FCRL4: variants seen among roughly 807,000 people sequenced by gnomAD.
FCRL4 encodes the protein Fc receptor like 4.
Under a neutral mutation model 64.1 loss-of-function variants are expected in FCRL4, and 43 were observed. The ratio of observed to expected loss-of-function variants is 0.67; its 90% confidence interval spans 0.53 to 0.87. FCRL4 has a LOEUF of 0.87. FCRL4 is among the 40% of genes least tolerant of loss of function. The pLI, the probability that FCRL4 is intolerant of heterozygous loss-of-function variation, is 0.00. For synonymous variants in FCRL4, 253 were observed against 239.8 expected, an observed-to-expected ratio of 1.05 and a Z score of -0.51; for missense variants, 656 against 613.5, an observed-to-expected ratio of 1.07 and a Z score of -0.73.
intron 7 of FCRL4, among the ~76,000 whole-genome samples, chr1:157,580,893 T>C (rs1310226785): frequency 1.3e-5 from 2 of 152,240 alleles, no homozygotes; most frequent in Non-Finnish European, 2.9e-5. Context: ...CTACACCAGG[T>C]TTCTTGGCAT....
rs1571131825 is a variant in FCRL4, at chr1:157,574,078, A to G, written c.*1446T>C. 2 of 214,874 alleles carry G rather than the reference A, an allele frequency of 9.3e-6. No homozygotes were observed. Among genetic ancestry groups the G allele is most frequent in the East Asian group, 1.4e-4 (2 of 14,432 alleles). 13.3% of individuals were successfully genotyped at this position (214,874 alleles called of 1,614,324 possible). A position where few individuals can be genotyped will look rare whatever the true frequency, so the allele number is the denominator to read the frequency against. On this transcript the variant is annotated 3_prime_UTR_variant, in exon 12 of 12. Transcript: ENST00000271532. The stretch of plus-strand genomic sequence containing the variant: ...ACACTCATATAATTTGTAAAGATCA[A>G]ATCAGCGTAGTTGGGATATCTGTCA...
intron 1 of FCRL4, 24 bp downstream of exon 1, chr1:157,597,890 A>C: frequency 6.2e-7 from 1 of 1,609,802 alleles, no homozygotes; most frequent in Non-Finnish European, 8.5e-7. Flanking sequence ...TGCAGCAAGC[A>C]AAGGTCTCCT....
chr1:157,587,261 C>T lies in FCRL4; in HGVS notation c.847+15G>A, dbSNP rs375531222. On this transcript the variant is annotated intron_variant, in intron 5 of 11. Coordinates refer to ENST00000271532, the MANE Select transcript of FCRL4 (RefSeq NM_031282.3). Reference sequence around the variant, plus strand: ...AGAGAGAGGCAGGGAAGATGCCTGGCTCTCCAACACTCACGCTGCACATGG... The same window carrying T: ...AGAGAGAGGCAGGGAAGATGCCTGGTTCTCCAACACTCACGCTGCACATGG... 27 of 1,608,626 alleles carry T rather than the reference C, an allele frequency of 1.7e-5. No individual in the cohort carries two copies. Among genetic ancestry groups the T allele is most frequent in the Non-Finnish European group, 1.8e-5 (21 of 1,176,096 alleles).
intron 8 of FCRL4, among the ~76,000 whole-genome samples, chr1:157,579,463 T>C (rs1652498662): frequency 6.6e-6 from 1 of 152,136 alleles, no homozygotes; most frequent in South Asian, 2.1e-4. Flanking sequence ...ACACCTGTAA[T>C]CCCAGCACTT....
rs1195796545 is a variant in FCRL4, at chr1:157,586,212, C to G, written c.1091G>C (p.Ser364Thr). ...CACCATGCTCTGGACAGGGCCGTAG[C>G]TGTTGTCTGCTGTACAGTAGTATCC... The part of the protein sequence containing the change: ...AGGYYCTADN[S>T]YGPVQSMVLN... Residue 364 changes from serine (S) to threonine (T), a missense_variant, in exon 6 of 12, where the codon AGC becomes ACC. Physicochemically the swap from Ser to Thr is moderately conservative, Grantham distance 58. Coordinates refer to ENST00000271532, the MANE Select transcript of FCRL4 (RefSeq NM_031282.3). 1 of 1,614,016 alleles carries G rather than the reference C, an allele frequency of 6.2e-7. No individual in the cohort carries two copies. The highest frequency in any genetic ancestry group is 1.7e-5 in the Admixed American group (1 of 60,016).
At position 157,586,445 on chromosome 1, in the gene FCRL4, C is replaced by T. The variant is rs1652697302; in HGVS notation, c.858G>A (p.Val286=). 1 of 1,606,954 alleles carries T rather than the reference C, an allele frequency of 6.2e-7. No homozygotes were observed. The highest frequency in any genetic ancestry group is 1.1e-5 in the South Asian group (1 of 90,840). The change falls in exon 6 of 12, where the codon GTG becomes GTA. Residue 286 remains valine (V), a synonymous_variant. Coordinates refer to ENST00000271532, the MANE Select transcript of FCRL4 (RefSeq NM_031282.3). ...SLQIHVQRIP[V]SGVLLETQPS... is the part of the protein sequence containing the mutation. ...GCTGGGTCTCCAGGAGCACCCCAGA[C>T]ACAGGGATCCCTATGTGAAAATGAG...
At chr1:157,578,217 A>G (rs1652458201) in intron 10 of FCRL4, among the ~76,000 whole-genome samples, 1 of 152,146 alleles carries the variant, frequency 6.6e-6, no homozygotes, top group Non-Finnish European at 1.5e-5. Context: ...TAGTACATAC[A>G]CTATAATGAT....
In FCRL4 at chr1:157,583,912, C is replaced by T. The variant is rs867905184; in HGVS notation, c.1135+2256G>A. 1.1e-4 allele frequency among the ~76,000 whole-genome samples: 17 copies of T among 152,220 alleles called. No homozygotes were observed. The Middle Eastern group carries it at 0.017, about 152-fold the overall frequency. On this transcript the variant is annotated intron_variant, in intron 6 of 11. Coordinates refer to ENST00000271532, the MANE Select transcript of FCRL4 (RefSeq NM_031282.3). ...CCAGCAAACATCACTGGATCCTTGA[C>T]GTTTGTTTAATCTTTGAGATCATCT... is the stretch of plus-strand genomic sequence containing the variant.
rs1160614637 is a variant in FCRL4, at chr1:157,596,393, C to T, written c.32-45G>A. The T allele has an allele frequency of 1.9e-6, 3 of 1,611,946 alleles. No individual in the cohort carries two copies. In the Admixed American group the frequency reaches 5.0e-5, roughly 27 times the overall value. ...CAGCCATCAGCGTAGGCGAAGAGTC[C>T]CGAACTATTCACCCTGAGAGCCCAT... On this transcript the variant is annotated intron_variant, in intron 1 of 11. Coordinates refer to ENST00000271532, the MANE Select transcript of FCRL4 (RefSeq NM_031282.3).
At chr1:157,584,398 T>C (rs1432918367) in intron 6 of FCRL4, among the ~76,000 whole-genome samples, 1 of 151,970 alleles carries the variant, frequency 6.6e-6, no homozygotes, top group East Asian at 1.9e-4. Context: ...TAGCTGGCCA[T>C]GGTGGCACAT....
rs1652565285 is a variant in FCRL4 at position 157,581,651 on chromosome 1, G to C, written c.1136-7C>G. On this transcript the variant is annotated splice_polypyrimidine_tract_variant and splice_region_variant and intron_variant, in intron 6 of 11. Transcript: ENST00000271532. ...TCTCTGTTGCCTGGGGTCTCTAAGGGGAAAGGACCTGTGTGAATCTCAGTG... is the reference window on the plus strand; with the variant it reads ...TCTCTGTTGCCTGGGGTCTCTAAGGCGAAAGGACCTGTGTGAATCTCAGTG... 3.7e-6 allele frequency: 6 copies of C among 1,609,906 alleles called. No homozygotes were observed. In the East Asian group the frequency reaches 1.3e-4, roughly 36 times the overall value.
chr1:157,576,303 G>GGA (rs1235267841), intron 10 of FCRL4, among the ~76,000 whole-genome samples: 2 of 152,106 alleles, frequency 1.3e-5, no homozygotes, highest in African/African-American at 2.4e-5. Flanking sequence ...GCAATTTTAT[G>GGA]GAGAGAGAGA....
intron 6 of FCRL4, among the ~76,000 whole-genome samples, chr1:157,585,830 G>A (rs1652677963): frequency 6.6e-6 from 1 of 152,112 alleles, no homozygotes; most frequent in Admixed American, 6.6e-5. Context: ...TGATACTGTA[G>A]GATGACACGG....
chr1:157,585,342 CTCTCTT>C (rs1488019393), intron 6 of FCRL4, among the ~76,000 whole-genome samples: 2 of 69,926 alleles, frequency 2.9e-5, no homozygotes, highest in South Asian at 6.2e-4. Flanking sequence ...TTCTTTCTCT[CTCTCTT>C]TCTTTCTTTC....
At position 157,579,889 on chromosome 1, in the gene FCRL4, T is replaced by A. The variant is rs529545936; in HGVS notation, c.1277+432A>T. ...ATTTTCCAAATGGAAGTTAAGCACA[T>A]AACGTTTAATGAGTATATATGCGTG... On this transcript the variant is annotated intron_variant, in intron 8 of 11. Coordinates refer to ENST00000271532, the MANE Select transcript of FCRL4 (RefSeq NM_031282.3). Among the ~76,000 whole-genome samples the A allele has an allele frequency of 4.6e-5, 7 of 152,266 alleles. No individual in the cohort carries two copies. In the South Asian group the frequency reaches 1.4e-3, roughly 32 times the overall value.
intron 2 of FCRL4, among the ~76,000 whole-genome samples, 174 bp from the exon 3 acceptor site, chr1:157,589,632 G>A (rs767058001): frequency 1.3e-5 from 2 of 152,208 alleles, no homozygotes; most frequent in African/African-American, 2.4e-5. Flanking sequence ...GGGTGCAGTG[G>A]CTGCTCAGTG....
chr1:157,591,739 A>G (rs1392512994), intron 2 of FCRL4, among the ~76,000 whole-genome samples: 1 of 152,190 alleles, frequency 6.6e-6, no homozygotes, highest in African/African-American at 2.4e-5. Context: ...GAATTCAAGG[A>G]TAATGCAAAT....
chr1:157,597,835 G>T, intron 1 of FCRL4, 79 bp downstream of exon 1: 1 of 1,115,718 alleles, frequency 9.0e-7, no homozygotes, highest in Non-Finnish European at 1.3e-6. Flanking sequence ...ATCCATGATT[G>T]CAGCAGCAGA....
At chr1:157,577,496 G>C (rs1377330816) in intron 10 of FCRL4, among the ~76,000 whole-genome samples, 4 of 152,124 alleles carry the variant, frequency 2.6e-5, no homozygotes, top group African/African-American at 9.7e-5. Flanking sequence ...TTTAAACAAT[G>C]AGAAAAAAGG....
Sources: gnomAD v4.1 joint callset for allele counts (sites outside exome capture counted in the v4.1 genomes callset) on GRCh38, gnomAD v4.1.1 for gene constraint, MANE v1.5 for transcripts, NCBI Gene and HGNC (gene_info 2026-07-23, HGNC 2026-07-21) for gene names.